Variants in SOX5 observed in about 807,000 individuals in gnomAD.
SOX5 encodes the protein SRY-box transcription factor 5, also known as transcription factor SOX-5.
In SOX5, 9 loss-of-function variants were observed where a neutral mutation model predicts 92.0. That is an observed-to-expected ratio of 0.10 (90% CI 0.06 to 0.17). SOX5 has a LOEUF of 0.17. Ranked by LOEUF, SOX5 falls within the 10% of genes least tolerant of loss-of-function variation. SOX5 has a pLI of 1.00. For synonymous variants in SOX5, 344 were observed against 336.3 expected (o/e 1.02, Z -0.25); for missense variants, 642 against 944.5 (o/e 0.68, Z 4.20).
chr12:23,584,874 G>GT (rs1950510836), intron 9 of SOX5, among the ~76,000 whole-genome samples: 1 of 151,944 alleles, frequency 6.6e-6, no homozygotes, highest in East Asian at 1.9e-4. Context: ...TCATTTTATT[G>GT]TGTTGTTTTC....
Position 23,604,548 on chromosome 12 carries a change from G to A in SOX5, c.1018-15C>T, listed in dbSNP as rs528167723. 5 of 1,608,620 alleles carry A rather than the reference G, an allele frequency of 3.1e-6. No homozygotes were observed. Among genetic ancestry groups the A allele is most frequent in the East Asian group, 4.5e-5 (2 of 44,838 alleles). ...GCATATAACTGCTACAGAAGAAAAA[G>A]AGAGAGAGGGAGAAAGAATACTGTG... On this transcript the variant is annotated splice_polypyrimidine_tract_variant and intron_variant, in intron 8 of 14. Transcript: ENST00000451604.
At chr12:24,152,540 C>T (rs1486239668) in intron 4 of SOX5, among the ~76,000 whole-genome samples, 1 of 152,044 alleles carries the variant, frequency 6.6e-6, no homozygotes, top group African/African-American at 2.4e-5. Flanking sequence ...ACAGACCTGA[C>T]AGGTTTAAAA....
intron 4 of SOX5, among the ~76,000 whole-genome samples, chr12:24,207,653 T>C (rs773087795): frequency 6.6e-6 from 1 of 152,214 alleles, no homozygotes; most frequent in Non-Finnish European, 1.5e-5. Context: ...TTCAAGACCA[T>C]ATAGTTTGTA....
chr12:24,195,559 A>G (rs1225440830), intron 4 of SOX5, among the ~76,000 whole-genome samples: 1 of 152,210 alleles, frequency 6.6e-6, no homozygotes, highest in East Asian at 1.9e-4. Flanking sequence ...GAATGGAAAG[A>G]GAAGAACTCA....
At chr12:24,070,732 T>C (rs566944332) in intron 4 of SOX5, among the ~76,000 whole-genome samples, 1 of 152,282 alleles carries the variant, frequency 6.6e-6, no homozygotes, top group East Asian at 1.9e-4. Flanking sequence ...TAGACATAAT[T>C]TGTATTCAGT....
Position 23,536,578 on chromosome 12 carries a change from A to G in SOX5, c.1863T>C (p.Pro621=). The change falls in exon 14 of 15, where the codon CCT becomes CCC. Residue 621 remains proline (P), a synonymous_variant. Coordinates refer to ENST00000451604, the MANE Select transcript of SOX5 (RefSeq NM_006940.6). ...RLSKQHLEKY[P]DYKYKPRPKR... ...TTGGCCTGGGCTTGTACTTATAGTCAGGGTACTTCTCCAGGTGCTGCTTGC... is the reference window on the plus strand; with the variant it reads ...TTGGCCTGGGCTTGTACTTATAGTCGGGGTACTTCTCCAGGTGCTGCTTGC... The G allele has an allele frequency of 1.2e-6, 2 of 1,614,172 alleles. No individual in the cohort carries two copies. Among genetic ancestry groups the G allele is most frequent in the Non-Finnish European group, 1.7e-6 (2 of 1,179,996 alleles).
intron 1 of SOX5, among the ~76,000 whole-genome samples, chr12:23,921,598 A>G (rs1406877194): frequency 2.6e-5 from 4 of 152,160 alleles, no homozygotes; most frequent in Admixed American, 2.0e-4. Flanking sequence ...AAACAACAAC[A>G]AAAACGAGCC....
intron 4 of SOX5, among the ~76,000 whole-genome samples, chr12:23,980,590 T>C (rs1413885541): frequency 6.6e-6 from 1 of 152,212 alleles, no homozygotes; most frequent in Non-Finnish European, 1.5e-5. Flanking sequence ...AGTTCTAACA[T>C]GTCTAAAACA....
intron 4 of SOX5, among the ~76,000 whole-genome samples, chr12:24,095,017 T>C (rs952010053): frequency 1.3e-5 from 2 of 151,954 alleles, no homozygotes; most frequent in African/African-American, 2.4e-5. Context: ...CTGGAAATGA[T>C]TGGTAATTGT....
chr12:23,957,797 C>G (rs969295556), intron 4 of SOX5, among the ~76,000 whole-genome samples: 4 of 152,060 alleles, frequency 2.6e-5, no homozygotes, highest in Non-Finnish European at 4.4e-5. Flanking sequence ...CATTCAATTA[C>G]TCAACAAGCA....
intron 2 of SOX5, among the ~76,000 whole-genome samples, chr12:24,283,627 C>A (rs889467323): frequency 2.0e-5 from 3 of 152,140 alleles, no homozygotes; most frequent in Non-Finnish European, 4.4e-5. Flanking sequence ...AATACAAAAT[C>A]AGTATAAAGA....
intron 3 of SOX5, among the ~76,000 whole-genome samples, chr12:24,245,181 C>A (rs1007733661): frequency 1.3e-5 from 2 of 150,774 alleles, no homozygotes. Flanking sequence ...TTTTTCTTAC[C>A]AATAGACTAT....
chr12:24,508,768 G>A (rs572520042), intron 1 of SOX5, among the ~76,000 whole-genome samples: 8 of 152,292 alleles, frequency 5.3e-5, no homozygotes, highest in Non-Finnish European at 1.0e-4. Context: ...AGAGGGCAAA[G>A]AACAGTGGGC....
At chr12:24,406,267 G>T (rs1962925255) in intron 1 of SOX5, among the ~76,000 whole-genome samples, 1 of 152,196 alleles carries the variant, frequency 6.6e-6, no homozygotes, top group Non-Finnish European at 1.5e-5. Context: ...GAAACCAGGT[G>T]CTGAGTGGGG....
chr12:23,651,718 T>C (rs2081586356), intron 7 of SOX5, among the ~76,000 whole-genome samples: 1 of 151,898 alleles, frequency 6.6e-6, no homozygotes, highest in East Asian at 1.9e-4. Context: ...GCCTTGAATA[T>C]AAAATACGAA....
intron 1 of SOX5, among the ~76,000 whole-genome samples, chr12:23,940,309 A>G (rs1943376577): frequency 6.6e-6 from 1 of 151,204 alleles, no homozygotes; most frequent in Non-Finnish European, 1.5e-5. Context: ...TATACATGGT[A>G]TTTAGATTAA....
At chr12:24,220,231 G>A (rs1960079907) in intron 3 of SOX5, among the ~76,000 whole-genome samples, 1 of 151,528 alleles carries the variant, frequency 6.6e-6, no homozygotes, top group African/African-American at 2.4e-5. Flanking sequence ...TTATCATCAA[G>A]TAGATATAGC....
At chr12:24,438,075 A>T (rs899877365) in intron 1 of SOX5, among the ~76,000 whole-genome samples, 7 of 152,366 alleles carry the variant, frequency 4.6e-5, no homozygotes, top group Admixed American at 1.3e-4. Context: ...AACGTGGCAC[A>T]TATATACCAT....
intron 4 of SOX5, among the ~76,000 whole-genome samples, chr12:24,008,048 G>A (rs373161188): frequency 2.6e-4 from 39 of 151,836 alleles, no homozygotes; most frequent in African/African-American, 9.2e-4. Context: ...AACCAGAAAC[G>A]TCTATAGAGA....
Sources: allele counts gnomAD v4.1 joint callset (sites outside exome capture counted in the v4.1 genomes callset), GRCh38; gene constraint gnomAD v4.1.1; transcripts MANE v1.5; gene names NCBI Gene and HGNC (gene_info 2026-07-23, HGNC 2026-07-21).